Variants in PCDH10 observed in about 807,000 individuals in gnomAD.
The protein encoded by PCDH10 is protocadherin-10.
Under a neutral mutation model 74.4 loss-of-function variants are expected in PCDH10, and 15 were observed. The ratio of observed to expected loss-of-function variants is 0.20; its 90% confidence interval spans 0.13 to 0.31. The LOEUF (loss-of-function observed/expected upper bound fraction) is 0.31. PCDH10 is among the 10% of genes least tolerant of loss of function. The pLI is 1.00. For missense variants in PCDH10, 1,260 were observed against 1,390.2 expected, an observed-to-expected ratio of 0.91 and a Z score of 1.49; for synonymous variants, 619 against 589.8, an observed-to-expected ratio of 1.05 and a Z score of -0.72.
chr4:133,176,925 T>A (rs1456487085), intron 4 of PCDH10, among the ~76,000 whole-genome samples: 7 of 152,120 alleles, frequency 4.6e-5, no homozygotes, highest in Admixed American at 6.6e-5. Flanking sequence ...GGAAATAGCA[T>A]ATTATATTTG....
chr4:133,183,626 C>T (rs1727465262), intron 4 of PCDH10, among the ~76,000 whole-genome samples: 1 of 152,070 alleles, frequency 6.6e-6, no homozygotes, highest in Non-Finnish European at 1.5e-5. Flanking sequence ...AACTTAGGGC[C>T]TTTCACAGTA....
intron 3 of PCDH10, among the ~76,000 whole-genome samples, chr4:133,157,903 G>A (rs1210404875): frequency 1.3e-5 from 2 of 152,128 alleles, no homozygotes; most frequent in East Asian, 3.9e-4. Context: ...CACGAAGGCA[G>A]CTGCACAGAG....
rs1727634585 is a variant in PCDH10 at position 133,190,357 on chromosome 4, A to AG, written c.*198dup. 1.6e-5 allele frequency: 10 copies of AG among 610,398 alleles called. No individual in the cohort carries two copies. In the South Asian group the frequency reaches 2.1e-4, roughly 13 times the overall value. The allele number at this position is 610,398 out of a possible 1,614,324, so 37.8% of individuals were successfully genotyped here. ...GCCTGAGAAATGAGTTGAAATGTGCAGAACTGTAGAAACTTTAGAGGCAAC... is the reference window on the plus strand; with the variant it reads ...GCCTGAGAAATGAGTTGAAATGTGCAGGAACTGTAGAAACTTTAGAGGCAAC... On this transcript the variant is annotated 3_prime_UTR_variant, in exon 5 of 5. Coordinates refer to ENST00000264360, the MANE Select transcript of PCDH10 (RefSeq NM_032961.3).
intron 2 of PCDH10, among the ~76,000 whole-genome samples, chr4:133,206,582 C>T (rs1178297684): frequency 1.3e-5 from 2 of 152,168 alleles, no homozygotes; most frequent in South Asian, 2.1e-4. Context: ...AAAACTTTTG[C>T]AGTTACTATG....
In PCDH10 at chr4:133,164,743, G is replaced by A. The variant is rs1727042785; in HGVS notation, c.3103+1461G>A. Among the ~76,000 whole-genome samples the A allele has an allele frequency of 4.6e-5, 7 of 151,028 alleles. No homozygotes were observed. In the South Asian group the frequency reaches 1.3e-3, roughly 27 times the overall value. On this transcript the variant is annotated intron_variant, in intron 4 of 4. Coordinates refer to ENST00000264360, the MANE Select transcript of PCDH10 (RefSeq NM_032961.3). ...GATTTTTTTATTAATAAGACTAATG[G>A]AAACAATTTTTATTATTAAAATATT...
chr4:133,188,553 C>T (rs1022457638), intron 4 of PCDH10, among the ~76,000 whole-genome samples: 2 of 150,548 alleles, frequency 1.3e-5, no homozygotes, highest in African/African-American at 4.9e-5. Flanking sequence ...GGATATCATA[C>T]ATTACAAAAT....
At position 133,151,870 on chromosome 4, in the gene PCDH10, C is replaced by T. The variant is rs1457256291; in HGVS notation, c.1730C>T (p.Pro577Leu). 3 of 1,612,980 alleles carry T rather than the reference C, an allele frequency of 1.9e-6. No individual in the cohort carries two copies. In the African/African-American group the frequency reaches 4.0e-5, roughly 22 times the overall value. Residue 577 changes from proline (P) to leucine (L), a missense_variant, in exon 1 of 5, where the codon CCT (proline) becomes CTT (leucine). Physicochemically the swap from Pro to Leu is moderately conservative, Grantham distance 98. Transcript: ENST00000264360. ...QNDNAPAIVA[P>L]LPGRNGTPAR... ...GACAACGCCCCTGCCATCGTGGCGC[C>T]TCTACCAGGGCGCAACGGGACTCCA...
At chr4:133,176,050 A>G (rs1337370546) in intron 4 of PCDH10, among the ~76,000 whole-genome samples, 1 of 152,194 alleles carries the variant, frequency 6.6e-6, no homozygotes, top group Non-Finnish European at 1.5e-5. Context: ...CTTTCAGAAT[A>G]GGTTTTCCCT....
intron 4 of PCDH10, among the ~76,000 whole-genome samples, chr4:133,164,212 T>C (rs1415158323): frequency 6.6e-6 from 1 of 152,016 alleles, no homozygotes; most frequent in African/African-American, 2.4e-5. Context: ...AACAAATACT[T>C]AAAGACAGGA....
At chr4:133,185,471 G>T (rs986487983) in intron 4 of PCDH10, among the ~76,000 whole-genome samples, 1 of 152,194 alleles carries the variant, frequency 6.6e-6, no homozygotes, top group East Asian at 1.9e-4. Context: ...TTAAAAAAAT[G>T]GATTAACTGT....
In PCDH10 at chr4:133,149,517, T is replaced by G. The variant is rs182081820; in HGVS notation, c.-624T>G. The stretch of plus-strand genomic sequence containing the variant: ...CAAATAGAGCGAAAGAGGAAAAAAA[T>G]GTCAAGAAGAACATCCATCCGGAGA... On this transcript the variant is annotated 5_prime_UTR_variant, in exon 1 of 5. It removes an upstream start codon present in the reference 5' UTR. Transcript: ENST00000264360. 7.2e-5 allele frequency: 11 copies of G among 152,282 alleles called. No homozygotes were observed. Among genetic ancestry groups the G allele is most frequent in the African/African-American group, 2.4e-4 (10 of 41,496 alleles). The allele number at this position is 152,282 out of a possible 1,614,324, so 9.4% of individuals were successfully genotyped here.
rs1319051502 is a variant in PCDH10 at position 133,149,826 on chromosome 4, A to G, written c.-315A>G. On this transcript the variant is annotated 5_prime_UTR_variant, in exon 1 of 5. Transcript: ENST00000264360. ...TCCTCTTTGGGATTTGCCAGCGCCA[A>G]GACTGTCGGAATAAAGGACGCTGAC... 4.6e-6 allele frequency: 1 copy of G among 215,332 alleles called. No homozygotes were observed. Among genetic ancestry groups the G allele is most frequent in the African/African-American group, 2.3e-5 (1 of 43,792 alleles). The allele number at this position is 215,332 out of a possible 1,614,324, so 13.3% of individuals were successfully genotyped here. A position where few individuals can be genotyped will look rare whatever the true frequency, so the allele number is the denominator to read the frequency against.
rs1224548225 is a variant in PCDH10 at position 133,163,425 on chromosome 4, G to T, written c.3103+143G>T. 3 of 640,716 alleles carry T rather than the reference G, an allele frequency of 4.7e-6. No individual in the cohort carries two copies. The African/African-American group carries it at 5.5e-5, about 12-fold the overall frequency. 39.7% of individuals were successfully genotyped at this position (640,716 alleles called of 1,614,324 possible). ...GACTGGATGCTGGCAGCACTTTAGGGCAATATTCTTTATTTAAAATAATAG... is the reference window on the plus strand; with the variant it reads ...GACTGGATGCTGGCAGCACTTTAGGTCAATATTCTTTATTTAAAATAATAG... On this transcript the variant is annotated intron_variant, in intron 4 of 4. Coordinates refer to ENST00000264360, the MANE Select transcript of PCDH10 (RefSeq NM_032961.3).
intron 4 of PCDH10, among the ~76,000 whole-genome samples, chr4:133,177,527 C>T (rs1379531692): frequency 6.6e-6 from 1 of 151,994 alleles, no homozygotes; most frequent in Non-Finnish European, 1.5e-5. Context: ...CACCAGTTTG[C>T]CCAAATAACA....
At chr4:133,171,091 A>G (rs1340062511) in intron 4 of PCDH10, among the ~76,000 whole-genome samples, 1 of 151,792 alleles carries the variant, frequency 6.6e-6, no homozygotes, top group Non-Finnish European at 1.5e-5. Context: ...TTTATGTATT[A>G]TGAGAAAGGC....
rs145179941 is a variant in PCDH10, at chr4:133,190,397, C to T, written c.*237C>T. 313 of 578,068 alleles carry T rather than the reference C, an allele frequency of 5.4e-4. 1 individual carries two copies. The highest frequency in any genetic ancestry group is 4.4e-3 in the African/African-American group (235 of 53,300). 35.8% of individuals were successfully genotyped at this position (578,068 alleles called of 1,614,324 possible). A position where few individuals can be genotyped will look rare whatever the true frequency, so the allele number is the denominator to read the frequency against. ...TTAGAGGCAACAGATTTTGCCTCCC[C>T]GATCAGTGTGTGCCTGTTTACAGCA... On this transcript the variant is annotated 3_prime_UTR_variant, in exon 5 of 5. Transcript: ENST00000264360.
intron 4 of PCDH10, among the ~76,000 whole-genome samples, chr4:133,180,786 A>C (rs2125870101): frequency 6.6e-6 from 1 of 152,030 alleles, no homozygotes; most frequent in Non-Finnish European, 1.5e-5. Context: ...CTAATTCAAA[A>C]CCAAGTTTAA....
intron 2 of PCDH10, among the ~76,000 whole-genome samples, chr4:133,207,722 C>A (rs1285172426): frequency 1.3e-5 from 2 of 152,110 alleles, no homozygotes; most frequent in Admixed American, 1.3e-4. Context: ...GGAAAAAAGA[C>A]TGCAGAATTT....
At position 133,192,756 on chromosome 4, in the gene PCDH10, A is replaced by G. The variant is rs1727706700; in HGVS notation, c.*2596A>G. The G allele has an allele frequency of 6.6e-6, 1 of 151,650 alleles. No individual in the cohort carries two copies. The allele number at this position is 151,650 out of a possible 1,614,324, so 9.4% of individuals were successfully genotyped here. ...TTATCTGTTGCATCCAAAGTAAATT[A>G]GAAGTTACAACAGAGTAAGGATATG... On this transcript the variant is annotated 3_prime_UTR_variant, in exon 5 of 5. Transcript: ENST00000264360.
Sources: gnomAD v4.1 joint callset for allele counts (sites outside exome capture counted in the v4.1 genomes callset) on GRCh38, gnomAD v4.1.1 for gene constraint, MANE v1.5 for transcripts, NCBI Gene and HGNC (gene_info 2026-07-23, HGNC 2026-07-21) for gene names.